The following TRIP11 variants were observed in gnomAD, a reference collection of about 807,000 sequenced individuals.
TRIP11 encodes the protein thyroid hormone receptor interactor 11.
TRIP11 carries 148 observed loss-of-function variants against 223.1 expected under a neutral mutation model. That is an observed-to-expected ratio of 0.66 (90% CI 0.58 to 0.76). The LOEUF is 0.76. TRIP11 is among the 30% of genes least tolerant of loss of function. The pLI is 0.00. For missense variants in TRIP11, 2,043 were observed against 2,222.0 expected, an observed-to-expected ratio of 0.92 and a Z score of 1.62; for synonymous variants, 762 against 772.6, an observed-to-expected ratio of 0.99 and a Z score of 0.23.
intron 1 of TRIP11, 34 bp downstream of exon 1, chr14:92,039,513 G>A: frequency 1.9e-6 from 3 of 1,611,168 alleles, no homozygotes; most frequent in Non-Finnish European, 2.5e-6. Context: ...CAGGGTCTTA[G>A]AAAAGCCCTC....
Position 92,014,574 on chromosome 14 carries a change from C to A in TRIP11, c.827G>T (p.Gly276Val). ...EELENLLQQG[G>V]SGVIETDLSK... ...GAGATCAGTTTCTATAACTCCAGAG[C>A]CACCTAGAACATAAACACAAAACAA... is the stretch of plus-strand genomic sequence containing the variant. Residue 276 changes from glycine (G) to valine (V), a missense_variant, in exon 7 of 21, where the codon GGC becomes GTC. Gly to Val is a moderately radical substitution (Grantham distance 109, BLOSUM62 -3). Transcript: ENST00000267622. 6.2e-7 allele frequency: 1 copy of A among 1,601,924 alleles called. No homozygotes were observed. The highest frequency in any genetic ancestry group is 8.5e-7 in the Non-Finnish European group (1 of 1,177,482).
At chr14:92,024,807 G>A (rs2057161037) in intron 3 of TRIP11, among the ~76,000 whole-genome samples, 1 of 152,100 alleles carries the variant, frequency 6.6e-6, no homozygotes, top group Non-Finnish European at 1.5e-5. Flanking sequence ...TGTATTTTAA[G>A]GATTCAGAGT....
At chr14:92,001,719 T>A (rs1232525858) in intron 11 of TRIP11, among the ~76,000 whole-genome samples, 1 of 152,180 alleles carries the variant, frequency 6.6e-6, no homozygotes, top group Non-Finnish European at 1.5e-5. Flanking sequence ...AAAATATCTA[T>A]AAATGACAGA....
intron 1 of TRIP11, among the ~76,000 whole-genome samples, chr14:92,038,070 A>G (rs1035580483): frequency 2.2e-4 from 33 of 152,206 alleles, no homozygotes; most frequent in African/African-American, 7.5e-4. Flanking sequence ...GCAAAGGACA[A>G]TTCTGGCATA....
intron 20 of TRIP11, 36 bp downstream of exon 20, chr14:91,972,674 ATTCAATT>A: frequency 6.4e-7 from 1 of 1,571,952 alleles, no homozygotes; most frequent in South Asian, 1.2e-5. Flanking sequence ...TACATTAAAC[ATTCAATT>A]TTCAAATTAT....
chr14:92,035,474 C>T (rs2057314032), intron 1 of TRIP11, among the ~76,000 whole-genome samples: 2 of 150,948 alleles, frequency 1.3e-5, no homozygotes, highest in African/African-American at 4.9e-5. Context: ...TTCCCTGGGC[C>T]ATACTGGAAG....
intron 16 of TRIP11, among the ~76,000 whole-genome samples, chr14:91,980,450 C>CA (rs1566845704): frequency 1.3e-5 from 2 of 152,196 alleles, no homozygotes; most frequent in African/African-American, 4.8e-5. Flanking sequence ...ATGGTCCTAT[C>CA]ACCAGGGCCA....
chr14:91,991,514 G>T (rs914860164), intron 15 of TRIP11, among the ~76,000 whole-genome samples: 2 of 152,192 alleles, frequency 1.3e-5, no homozygotes, highest in Non-Finnish European at 1.5e-5. Flanking sequence ...CCTGCTAGTG[G>T]GAGTAAATTA....
chr14:92,020,403 C>T (rs1289872461), intron 4 of TRIP11, among the ~76,000 whole-genome samples: 4 of 152,038 alleles, frequency 2.6e-5, no homozygotes, highest in Non-Finnish European at 5.9e-5. Context: ...AAGTTTACAG[C>T]CCCAAATAGC....
At chr14:92,007,998 T>C in intron 9 of TRIP11, 146 bp from the exon 10 acceptor site, 1 of 670,996 alleles carries the variant, frequency 1.5e-6, no homozygotes, top group Non-Finnish European at 2.5e-6. Context: ...TAATTGTATG[T>C]GAAATTCAAC....
rs2056871437 is a variant in TRIP11, at chr14:92,004,490, T to C, written c.3486A>G (p.Leu1162=). ...QDMFRETIQN[L]SRIIREKDIE... Reference sequence around the variant, plus strand: ...TGTCTTTTTCTCGAATGATACGTGATAAATTCTGAATAGTTTCTCTAAACA... The same window carrying C: ...TGTCTTTTTCTCGAATGATACGTGACAAATTCTGAATAGTTTCTCTAAACA... Residue 1162 remains leucine (L), a synonymous_variant, in exon 11 of 21, where the codon TTA becomes TTG. Transcript: ENST00000267622. 1 of 1,613,330 alleles carries C rather than the reference T, an allele frequency of 6.2e-7. No homozygotes were observed. Among genetic ancestry groups the C allele is most frequent in the Admixed American group, 1.7e-5 (1 of 60,004 alleles).
intron 2 of TRIP11, among the ~76,000 whole-genome samples, chr14:92,032,398 A>C (rs1192905802): frequency 6.6e-6 from 1 of 151,516 alleles, no homozygotes; most frequent in East Asian, 2.0e-4. Flanking sequence ...TGATCCACCC[A>C]CCTCGGCTTC....
At chr14:91,989,093 G>C (rs2056641754) in intron 15 of TRIP11, among the ~76,000 whole-genome samples, 1 of 152,082 alleles carries the variant, frequency 6.6e-6, no homozygotes, top group African/African-American at 2.4e-5. Context: ...TTTTAGTCTT[G>C]GTTAGGATCC....
chr14:92,023,425 T>C (rs982714351), intron 3 of TRIP11, among the ~76,000 whole-genome samples: 1 of 152,202 alleles, frequency 6.6e-6, no homozygotes, highest in Non-Finnish European at 1.5e-5. Flanking sequence ...CACAGGTACG[T>C]GTGAAAGTAA....
At chr14:91,990,993 G>A (rs1346705370) in intron 15 of TRIP11, among the ~76,000 whole-genome samples, 1 of 152,160 alleles carries the variant, frequency 6.6e-6, no homozygotes, top group African/African-American at 2.4e-5. Context: ...GACCTCACTG[G>A]TAATTAGGGA....
chr14:92,002,937 C>G (rs4575474), intron 11 of TRIP11, among the ~76,000 whole-genome samples: 78,717 of 151,866 alleles, frequency 0.52, 21,539 homozygotes, highest in African/African-American at 0.69. Flanking sequence ...TCTGGTTCCT[C>G]AAACTTTTCA....
intron 11 of TRIP11, among the ~76,000 whole-genome samples, chr14:92,003,108 G>A (rs2056848650): frequency 6.6e-6 from 1 of 152,078 alleles, no homozygotes. Flanking sequence ...CCTAAAATTT[G>A]ATTAAATTGA....
In TRIP11 at chr14:91,988,383, C is replaced by T; in HGVS notation, c.5161G>A (p.Glu1721Lys). 6.2e-7 allele frequency: 1 copy of T among 1,613,068 alleles called. No homozygotes were observed. Among genetic ancestry groups the T allele is most frequent in the South Asian group, 1.1e-5 (1 of 91,002 alleles). The stretch of plus-strand genomic sequence containing the variant: ...GCAGCATTTGCTTCATCCAAACATT[C>T]CTGAGAAAGAAAACTTTATTAAAAA... ...NLEGKVISLQ[E>K]CLDEANAALD... Residue 1721 changes from glutamate to lysine, a missense_variant and splice_region_variant, in exon 16 of 21, where the codon GAA (glutamate) becomes AAA (lysine). Transcript: ENST00000267622.
chr14:92,000,222 C>T lies in TRIP11; in HGVS notation c.4558-114G>A. ...TTTAATTTTTAAATAGGGCAGCCTCCCGATTTACTCTCTGAGTAGGCTCAG... is the reference window on the plus strand; with the variant it reads ...TTTAATTTTTAAATAGGGCAGCCTCTCGATTTACTCTCTGAGTAGGCTCAG... On this transcript the variant is annotated intron_variant, in intron 11 of 20. Coordinates refer to ENST00000267622, the MANE Select transcript of TRIP11 (RefSeq NM_004239.4). 9 of 1,479,748 alleles carry T rather than the reference C, an allele frequency of 6.1e-6. No individual in the cohort carries two copies. The South Asian group carries it at 1.1e-4, about 18-fold the overall frequency. 91.7% of individuals were successfully genotyped at this position (1,479,748 alleles called of 1,614,324 possible).
Sources: gnomAD v4.1 joint callset for allele counts (sites outside exome capture counted in the v4.1 genomes callset) on GRCh38, gnomAD v4.1.1 for gene constraint, MANE v1.5 for transcripts, NCBI Gene and HGNC (gene_info 2026-07-23, HGNC 2026-07-21) for gene names.